The following GLRA2 variants were observed in gnomAD, a reference collection of about 807,000 sequenced individuals.
GLRA2 encodes glycine receptor alpha 2, also known as glycine receptor subunit alpha-2.
Under a neutral mutation model 31.6 loss-of-function variants are expected in GLRA2, and 11 were observed. The observed-to-expected ratio is 0.35, with a 90% CI of 0.22 to 0.58. GLRA2 has a LOEUF of 0.58. Ranked by LOEUF, GLRA2 falls within the 20% of genes least tolerant of loss-of-function variation. The pLI is 0.84. For synonymous variants in GLRA2, 132 were observed against 134.0 expected, an observed-to-expected ratio of 0.99 and a Z score of 0.10; for missense variants, 212 against 351.8, an observed-to-expected ratio of 0.60 and a Z score of 3.18.
rs367887758 is a variant in GLRA2, at chrX:14,557,217, G to A, written c.203-17116G>A. Among the ~76,000 whole-genome samples, 140 of 91,893 alleles carry A rather than the reference G, an allele frequency of 1.5e-3. 1 individual carries two copies. Among genetic ancestry groups the A allele is most frequent in the Non-Finnish European group, 1.7e-3 (83 of 48,564 alleles). 79.8% of individuals were successfully genotyped at this position (91,893 alleles called of 115,157 possible). ...TGTAAGCTCCGCCTCCTGGGTTCAC[G>A]CCATTCTCCTGCCTCAGCCTCCCGA... On this transcript the variant is annotated intron_variant, in intron 2 of 8. Coordinates refer to ENST00000218075, the MANE Select transcript of GLRA2 (RefSeq NM_002063.4).
chrX:14,552,312 G>A lies in GLRA2; in HGVS notation c.202+19940G>A, dbSNP rs5935769. On this transcript the variant is annotated intron_variant, in intron 2 of 8. Coordinates refer to ENST00000218075, the MANE Select transcript of GLRA2 (RefSeq NM_002063.4). ...GTGTAAGGAAGAGGTGGAAAATGAC[G>A]TGAAGACTTGGAGTATGGGTGGGGT... Among the ~76,000 whole-genome samples the A allele has an allele frequency of 9.8e-5, 11 of 112,415 alleles. No individual in the cohort carries two copies. In the East Asian group the frequency reaches 1.4e-3, roughly 14 times the overall value.
At chrX:14,575,202 AT>A (rs111757969) in intron 3 of GLRA2, among the ~76,000 whole-genome samples, 29,365 of 90,357 alleles carry the variant, frequency 0.32, 4,379 homozygotes, top group African/African-American at 0.54. Context: ...CTACCAGTGC[AT>A]TTTTTTTTTT....
At chrX:14,518,441 C>A in the GLRA2 span, among the ~76,000 whole-genome samples, 23 of 110,724 alleles carry the variant, frequency 2.1e-4, no homozygotes, top group Non-Finnish European at 4.0e-4. Flanking sequence ...ATTATTATAG[C>A]AAAAAACACA....
intron 7 of GLRA2, among the ~76,000 whole-genome samples, chrX:14,642,577 G>T (rs1278216763): frequency 1.8e-5 from 2 of 109,387 alleles, no homozygotes; most frequent in Non-Finnish European, 3.8e-5. Flanking sequence ...AATGTGCAAT[G>T]ATTTGCATCT....
At chrX:14,617,274 A>G (rs960687482) in intron 7 of GLRA2, among the ~76,000 whole-genome samples, 1 of 111,780 alleles carries the variant, frequency 8.9e-6, no homozygotes, top group Non-Finnish European at 1.9e-5. Context: ...AAAATGAACT[A>G]TTGTGGAGCA....
chrX:14,639,508 T>A (rs941423426), intron 7 of GLRA2, among the ~76,000 whole-genome samples: 4 of 112,274 alleles, frequency 3.6e-5, no homozygotes, highest in Non-Finnish European at 3.8e-5. Flanking sequence ...CCTCCTGCAC[T>A]GCAATTACTT....
intron 2 of GLRA2, among the ~76,000 whole-genome samples, chrX:14,546,574 CA>C (rs1411033979): frequency 2.8e-5 from 3 of 106,952 alleles, no homozygotes; most frequent in Non-Finnish European, 5.9e-5. Flanking sequence ...ACCAGCTCTG[CA>C]AATAGGATAA....
the GLRA2 span, among the ~76,000 whole-genome samples, chrX:14,474,165 G>T: frequency 9.0e-6 from 1 of 111,639 alleles, no homozygotes; most frequent in Non-Finnish European, 1.9e-5. Context: ...GTTATATATT[G>T]ACTAGGTCTG....
At chrX:14,511,326 A>G in the GLRA2 span, among the ~76,000 whole-genome samples, 1 of 111,987 alleles carries the variant, frequency 8.9e-6, no homozygotes, top group Non-Finnish European at 1.9e-5. Flanking sequence ...ACACAATTCA[A>G]TATTTTCCAC....
At chrX:14,618,170 T>A (rs2090474525) in intron 7 of GLRA2, among the ~76,000 whole-genome samples, 1 of 112,027 alleles carries the variant, frequency 8.9e-6, no homozygotes, top group Non-Finnish European at 1.9e-5. Flanking sequence ...TTTGGAAAAG[T>A]TTCCTCATAG....
intron 7 of GLRA2, among the ~76,000 whole-genome samples, chrX:14,639,654 A>G (rs1056593493): frequency 1.8e-5 from 2 of 111,777 alleles, no homozygotes; most frequent in Non-Finnish European, 1.9e-5. Context: ...ATCATTAGCA[A>G]TGCTGAGACT....
chrX:14,475,148 G>A, the GLRA2 span, among the ~76,000 whole-genome samples: 1 of 112,192 alleles, frequency 8.9e-6, no homozygotes, highest in Non-Finnish European at 1.9e-5. Context: ...TGTGCCAGCA[G>A]AGACTGATTG....
chrX:14,486,204 G>A, the GLRA2 span, among the ~76,000 whole-genome samples: 1 of 111,416 alleles, frequency 9.0e-6, no homozygotes, highest in Admixed American at 9.6e-5. Context: ...ATATACAAGA[G>A]TTGGTATGGA....
chrX:14,677,984 T>C (rs1221047350), intron 7 of GLRA2, among the ~76,000 whole-genome samples: 1 of 112,153 alleles, frequency 8.9e-6, no homozygotes, highest in Non-Finnish European at 1.9e-5. Flanking sequence ...CATAATAGGA[T>C]GTTTAGAAGC....
chrX:14,462,342 G>A, the GLRA2 span, among the ~76,000 whole-genome samples: 16 of 110,733 alleles, frequency 1.4e-4, no homozygotes, highest in African/African-American at 3.9e-4. Context: ...TGCTCTTCTC[G>A]AGGAGTATCT....
intron 3 of GLRA2, 89 bp from the exon 4 acceptor site, chrX:14,581,094 A>G: frequency 1.7e-6 from 1 of 594,416 alleles, no homozygotes; most frequent in Non-Finnish European, 2.9e-6. Context: ...CCAAAGCTGT[A>G]TCAAATCAGG....
At chrX:14,537,211 T>C (rs867905085) in intron 2 of GLRA2, among the ~76,000 whole-genome samples, 5 of 111,652 alleles carry the variant, frequency 4.5e-5, no homozygotes, top group African/African-American at 1.6e-4. Context: ...TGTCTATATA[T>C]ATGCACAAAT....
intron 7 of GLRA2, among the ~76,000 whole-genome samples, chrX:14,650,682 C>T (rs1006805967): frequency 4.5e-5 from 5 of 111,438 alleles, no homozygotes. Context: ...CCTTTGTCTT[C>T]CCTTTCATCA....
chrX:14,548,794 G>T (rs2089515881), intron 2 of GLRA2, among the ~76,000 whole-genome samples: 1 of 111,655 alleles, frequency 9.0e-6, no homozygotes. Context: ...TACCTGAATT[G>T]CCAGGGAGTT....
Sources: allele counts gnomAD v4.1 joint callset (sites outside exome capture counted in the v4.1 genomes callset), GRCh38; gene constraint gnomAD v4.1.1; transcripts MANE v1.5; gene names NCBI Gene and HGNC (gene_info 2026-07-23, HGNC 2026-07-21).